Variants in SLC20A1 observed in about 807,000 individuals in gnomAD.
SLC20A1 encodes sodium-dependent phosphate transporter 1.
Under a neutral mutation model 62.7 loss-of-function variants are expected in SLC20A1, and 28 were observed. The observed-to-expected ratio is 0.45, with a 90% CI of 0.33 to 0.61. The LOEUF (loss-of-function observed/expected upper bound fraction) is 0.61. Among genes scored for constraint, SLC20A1 ranks in the 20% least tolerant of loss-of-function variants. SLC20A1 has a pLI of 0.02. For synonymous variants in SLC20A1, 305 were observed against 302.9 expected, an observed-to-expected ratio of 1.01 and a Z score of -0.07; for missense variants, 673 against 838.6, an observed-to-expected ratio of 0.80 and a Z score of 2.44.
chr2:112,654,157 A>C (rs980517121), intron 5 of SLC20A1, among the ~76,000 whole-genome samples: 3 of 152,200 alleles, frequency 2.0e-5, no homozygotes, highest in Non-Finnish European at 2.9e-5. Context: ...GATGGAGCTA[A>C]GTATTTTTAA....
At position 112,647,400 on chromosome 2, in the gene SLC20A1, T is replaced by C. The variant is rs143967365; in HGVS notation, c.411T>C (p.Thr137=). The C allele has an allele frequency of 1.0e-4, 164 of 1,613,994 alleles. No homozygotes were observed. The Middle Eastern group carries it at 4.6e-3, about 45-fold the overall frequency. ...ISGTHCIVGA[T]IGFSLVAKGQ... ...GAACCCATTGTATTGTTGGTGCAAC[T>C]ATTGGTTTCTCCCTCGTGGCAAAGG... Residue 137 remains threonine (T), a synonymous_variant, in exon 3 of 11, where the codon ACT becomes ACC. Transcript: ENST00000272542.
intron 4 of SLC20A1, among the ~76,000 whole-genome samples, chr2:112,650,744 C>T (rs111449212): frequency 0.021 from 3,150 of 152,270 alleles, 48 homozygotes; most frequent in South Asian, 0.055. Context: ...CTGCCTCAGC[C>T]TCCAGAGTAG....
chr2:112,648,335 C>A (rs756852980), intron 4 of SLC20A1, among the ~76,000 whole-genome samples: 1 of 152,178 alleles, frequency 6.6e-6, no homozygotes, highest in Admixed American at 6.5e-5. Flanking sequence ...TTTTAAGTGA[C>A]CCAGTTTGCA....
chr2:112,654,461 C>A (rs1686530010), intron 5 of SLC20A1, among the ~76,000 whole-genome samples: 1 of 152,150 alleles, frequency 6.6e-6, no homozygotes, highest in African/African-American at 2.4e-5. Context: ...TAAGAAAAAC[C>A]AGTCTCTTTC....
chr2:112,647,814 G>C lies in SLC20A1; in HGVS notation c.561+76G>C. Reference sequence around the variant, plus strand: ...TTTCAAACCCAGTGGTACTTTTGCAGATGTGATTGGTGTATAGGTATGCGG... The same window carrying C: ...TTTCAAACCCAGTGGTACTTTTGCACATGTGATTGGTGTATAGGTATGCGG... On this transcript the variant is annotated intron_variant, in intron 4 of 10. Coordinates refer to ENST00000272542, the MANE Select transcript of SLC20A1 (RefSeq NM_005415.5). 2.6e-6 allele frequency: 3 copies of C among 1,176,188 alleles called. No individual in the cohort carries two copies. In the Admixed American group the frequency reaches 5.1e-5, roughly 20 times the overall value. 72.9% of individuals were successfully genotyped at this position (1,176,188 alleles called of 1,614,324 possible). A position where few individuals can be genotyped will look rare whatever the true frequency, so the allele number is the denominator to read the frequency against.
intron 4 of SLC20A1, chr2:112,652,448 A>G (rs1246294371): frequency 1.3e-5 from 7 of 520,536 alleles, no homozygotes; most frequent in Non-Finnish European, 2.4e-5. Context: ...ATCTTTATTC[A>G]GGATGTTATC....
intron 5 of SLC20A1, 96 bp from the exon 6 acceptor site, chr2:112,657,026 G>A: frequency 2.1e-6 from 3 of 1,429,942 alleles, no homozygotes; most frequent in Non-Finnish European, 3.0e-6. Flanking sequence ...TGATGGGCTG[G>A]TATGGGGAAC....
intron 3 of SLC20A1, 58 bp downstream of exon 3, chr2:112,647,522 A>C (rs1000613016): frequency 5.8e-5 from 93 of 1,591,968 alleles, no homozygotes; most frequent in Non-Finnish European, 7.6e-5. Context: ...TTACCATGGC[A>C]TTAGGTATGG....
intron 10 of SLC20A1, among the ~76,000 whole-genome samples, chr2:112,662,145 G>A (rs1274751177): frequency 6.6e-6 from 1 of 152,228 alleles, no homozygotes; most frequent in Non-Finnish European, 1.5e-5. Flanking sequence ...GTTTCCTTAA[G>A]AGCATTTAAG....
chr2:112,653,119 T>G, intron 5 of SLC20A1: 1 of 427,144 alleles, frequency 2.3e-6, no homozygotes. Flanking sequence ...CCTCAACTAC[T>G]GAAGTCATTA....
At chr2:112,662,435 G>A (rs146732567) in intron 10 of SLC20A1, among the ~76,000 whole-genome samples, 1,583 of 140,346 alleles carry the variant, frequency 0.011, 31 homozygotes, top group African/African-American at 0.038. Flanking sequence ...CAAAAAATTA[G>A]CTAGGCGTGG....
At position 112,652,726 on chromosome 2, in the gene SLC20A1, C is replaced by T. The variant is rs1686475913; in HGVS notation, c.586C>T (p.Arg196Ter). ...GGCAGATCCAGTTCCTAATGGTTTG[C>T]GAGCTTTGCCAGTTTTCTATGCCTG... Reference protein sequence around the residue: ...HKADPVPNGLRALPVFYACTV... With the variant: ...HKADPVPNGL Residue 196 changes from arginine (R) to a stop codon, truncating the protein, a stop_gained, in exon 5 of 11, where the codon CGA becomes TGA. Coordinates refer to ENST00000272542, the MANE Select transcript of SLC20A1 (RefSeq NM_005415.5). LOFTEE classifies it high-confidence loss of function. 3 of 1,614,070 alleles carry T rather than the reference C, an allele frequency of 1.9e-6. No homozygotes were observed. Among genetic ancestry groups the T allele is most frequent in the South Asian group, 2.2e-5 (2 of 91,076 alleles).
At chr2:112,655,914 T>C (rs1473674607) in intron 5 of SLC20A1, among the ~76,000 whole-genome samples, 2 of 152,146 alleles carry the variant, frequency 1.3e-5, no homozygotes, top group African/African-American at 4.8e-5. Context: ...TTGGCCAGGC[T>C]GGTCTTGAAC....
In SLC20A1 at chr2:112,663,053, ATGTT is replaced by A; in HGVS notation, c.*31_*34del. ...CTGTTTGAGATTAAAATTTGTGTCA[ATGTT>A]TGGGACCATCTTAGGTATTCCTGCT... On this transcript the variant is annotated 3_prime_UTR_variant, in exon 11 of 11. Coordinates refer to ENST00000272542, the MANE Select transcript of SLC20A1 (RefSeq NM_005415.5). The A allele has an allele frequency of 6.2e-7, 1 of 1,612,678 alleles. No homozygotes were observed. The highest frequency in any genetic ancestry group is 8.5e-7 in the Non-Finnish European group (1 of 1,178,886).
Position 112,661,125 on chromosome 2 carries a change from TC to T in SLC20A1, c.1794-15del, listed in dbSNP as rs1218644918. 1 of 1,608,254 alleles carries T rather than the reference TC, an allele frequency of 6.2e-7. No homozygotes were observed. The highest frequency in any genetic ancestry group is 1.3e-5 in the African/African-American group (1 of 74,948). On this transcript the variant is annotated splice_polypyrimidine_tract_variant and intron_variant, in intron 9 of 10. Transcript: ENST00000272542. ...AGTCAAACTCACTTCCTGACAAGAA[TC>T]CTTTTGTGTCTGTAGTGGCTTCAGT...
chr2:112,660,002 G>C (rs58662040), intron 8 of SLC20A1, among the ~76,000 whole-genome samples: 1 of 152,068 alleles, frequency 6.6e-6, no homozygotes, highest in African/African-American at 2.4e-5. Flanking sequence ...TCACAGAGAA[G>C]GCTTTTGTCC....
rs1234692324 is a variant in SLC20A1 at position 112,663,068 on chromosome 2, T to G, written c.*43T>G. On this transcript the variant is annotated 3_prime_UTR_variant, in exon 11 of 11. Transcript: ENST00000272542. ...ATTTGTGTCAATGTTTGGGACCATC[T>G]TAGGTATTCCTGCTCCCCTGAAGAA... 4 of 1,602,938 alleles carry G rather than the reference T, an allele frequency of 2.5e-6. No individual in the cohort carries two copies. The highest frequency in any genetic ancestry group is 3.4e-6 in the Non-Finnish European group (4 of 1,170,230).
chr2:112,646,448 G>C (rs953077271), intron 1 of SLC20A1, 115 bp from the exon 2 acceptor site: 1 of 152,570 alleles, frequency 6.6e-6, no homozygotes, highest in Non-Finnish European at 1.5e-5. Flanking sequence ...TGGGGATGGG[G>C]GTCTGGAGTA....
At chr2:112,647,290 G>T (rs372866036) in intron 2 of SLC20A1, 34 bp from the exon 3 acceptor site, 1 of 1,604,918 alleles carries the variant, frequency 6.2e-7, no homozygotes. Flanking sequence ...ATGGAATTTT[G>T]ATATTTACTT....
Sources: allele counts gnomAD v4.1 joint callset (sites outside exome capture counted in the v4.1 genomes callset), GRCh38; gene constraint gnomAD v4.1.1; transcripts MANE v1.5; gene names NCBI Gene and HGNC (gene_info 2026-07-23, HGNC 2026-07-21).